The following DPYD variants were observed in gnomAD, a reference collection of about 807,000 sequenced individuals.
The protein encoded by DPYD is dihydropyrimidine dehydrogenase [NADP(+)].
In DPYD, 109 loss-of-function variants were observed where a neutral mutation model predicts 116.2. The ratio of observed to expected loss-of-function variants is 0.94; its 90% CI spans 0.80 to 1.10. The LOEUF (loss-of-function observed/expected upper bound fraction) is 1.10. DPYD is among the 50% of genes least tolerant of loss of function. The probability of loss-of-function intolerance (pLI) is 0.00; values close to 1 mark genes in which losing one functional copy is unlikely to be tolerated. For synonymous variants in DPYD, 440 were observed against 432.0 expected, an observed-to-expected ratio of 1.02 and a Z score of -0.23; for missense variants, 1,302 against 1,254.5, an observed-to-expected ratio of 1.04 and a Z score of -0.57.
intron 19 of DPYD, among the ~76,000 whole-genome samples, chr1:97,222,896 T>C (rs1315590573): frequency 6.6e-6 from 1 of 152,108 alleles, no homozygotes; most frequent in Admixed American, 6.6e-5. Flanking sequence ...ACTACATTTG[T>C]TACCCTCTGG....
intron 11 of DPYD, among the ~76,000 whole-genome samples, chr1:97,564,982 A>G (rs1652415172): frequency 6.6e-6 from 1 of 152,214 alleles, no homozygotes; most frequent in Middle Eastern, 3.4e-3. Context: ...TCTCCAAAAC[A>G]CTAAAATAGA....
At chr1:97,085,437 A>G (rs931481042) in intron 21 of DPYD, among the ~76,000 whole-genome samples, 2 of 152,244 alleles carry the variant, frequency 1.3e-5, no homozygotes, top group Non-Finnish European at 2.9e-5. Flanking sequence ...TGTGAAGCCA[A>G]TGTGGAGCCT....
chr1:97,425,187 C>A (rs957213895), intron 14 of DPYD, among the ~76,000 whole-genome samples: 14 of 151,978 alleles, frequency 9.2e-5, no homozygotes, highest in African/African-American at 3.4e-4. Context: ...ATAAGAAAAT[C>A]AGCAGTATAA....
At chr1:97,709,516 T>C (rs1293984988) in intron 5 of DPYD, among the ~76,000 whole-genome samples, 1 of 151,884 alleles carries the variant, frequency 6.6e-6, no homozygotes, top group Non-Finnish European at 1.5e-5. Flanking sequence ...TCATCTTTCA[T>C]TCATCTAGAA....
In DPYD at chr1:97,442,092, G is replaced by A. The variant is rs148517519; in HGVS notation, c.1905+7967C>T. ...TCTCTTTGTTTACTCACATGCATGA[G>A]CTGATCTGTACTCAGTGCTGCATAC... On this transcript the variant is annotated intron_variant, in intron 14 of 22. Coordinates refer to ENST00000370192, the MANE Select transcript of DPYD (RefSeq NM_000110.4). Among the ~76,000 whole-genome samples, 648 of 152,114 alleles carry A rather than the reference G, an allele frequency of 4.3e-3. 7 individuals are homozygous for A. Among genetic ancestry groups the A allele is most frequent in the African/African-American group, 0.015 (631 of 41,486 alleles).
chr1:97,564,884 T>C (rs886141038), intron 11 of DPYD, among the ~76,000 whole-genome samples: 3 of 152,160 alleles, frequency 2.0e-5, no homozygotes, highest in African/African-American at 7.2e-5. Context: ...ACTGACACTG[T>C]AGTTCCACAC....
At chr1:97,598,274 G>A (rs1175974828) in intron 8 of DPYD, among the ~76,000 whole-genome samples, 2 of 152,094 alleles carry the variant, frequency 1.3e-5, no homozygotes, top group Non-Finnish European at 2.9e-5. Context: ...TCTATCAAAG[G>A]AAGACTTCTC....
chr1:97,498,070 A>G (rs947889825), intron 13 of DPYD, among the ~76,000 whole-genome samples: 1 of 151,836 alleles, frequency 6.6e-6, no homozygotes, highest in Non-Finnish European at 1.5e-5. Flanking sequence ...CATTAAAGTC[A>G]TATATTATAT....
At chr1:97,370,410 C>T (rs1671256804) in intron 16 of DPYD, among the ~76,000 whole-genome samples, 1 of 151,942 alleles carries the variant, frequency 6.6e-6, no homozygotes, top group Non-Finnish European at 1.5e-5. Flanking sequence ...CACACCGGGG[C>T]CTGTTGGGGG....
At chr1:97,597,073 G>C (rs1256204577) in intron 8 of DPYD, among the ~76,000 whole-genome samples, 1 of 152,132 alleles carries the variant, frequency 6.6e-6, no homozygotes, top group African/African-American at 2.4e-5. Flanking sequence ...TGGAGGGATG[G>C]GGTTGGTAAA....
chr1:97,573,524 G>A (rs890462471), intron 11 of DPYD, among the ~76,000 whole-genome samples: 9 of 151,966 alleles, frequency 5.9e-5, no homozygotes, highest in African/African-American at 1.7e-4. Context: ...TATGTGTTTT[G>A]GTTATAAGCT....
Position 97,323,485 on chromosome 1 carries a change from G to A in DPYD, c.2059-17188C>T, listed in dbSNP as rs1223346005. ...TATACATATATGTGTATATATACAC[G>A]TATATATACATATCATATGTACATA... is the stretch of plus-strand genomic sequence containing the variant. On this transcript the variant is annotated intron_variant, in intron 16 of 22. Coordinates refer to ENST00000370192, the MANE Select transcript of DPYD (RefSeq NM_000110.4). 4.4e-5 allele frequency among the ~76,000 whole-genome samples: 5 copies of A among 113,796 alleles called. No homozygotes were observed. In the East Asian group the frequency reaches 8.1e-4, roughly 18 times the overall value. 74.7% of individuals were successfully genotyped at this position (113,796 alleles called of 152,430 possible). A position where few individuals can be genotyped will look rare whatever the true frequency, so the allele number is the denominator to read the frequency against.
At chr1:97,528,367 G>T (rs1029770640) in intron 12 of DPYD, among the ~76,000 whole-genome samples, 2 of 152,068 alleles carry the variant, frequency 1.3e-5, no homozygotes, top group Admixed American at 1.3e-4. Flanking sequence ...TTCTTTAAAA[G>T]ACTGTGTTCA....
chr1:97,755,610 T>G (rs1193080324), intron 3 of DPYD, among the ~76,000 whole-genome samples: 2 of 152,132 alleles, frequency 1.3e-5, no homozygotes, highest in Non-Finnish European at 2.9e-5. Flanking sequence ...TCAACTGATC[T>G]CTCTTCTTTT....
At chr1:97,247,741 A>T (rs1414555265) in intron 18 of DPYD, among the ~76,000 whole-genome samples, 1 of 152,202 alleles carries the variant, frequency 6.6e-6, no homozygotes, top group Non-Finnish European at 1.5e-5. Flanking sequence ...CATACAATAA[A>T]CTCAACAGTT....
At chr1:97,212,966 T>C (rs1208770623) in intron 19 of DPYD, among the ~76,000 whole-genome samples, 1 of 152,126 alleles carries the variant, frequency 6.6e-6, no homozygotes, top group Admixed American at 6.6e-5. Flanking sequence ...CAAACATTCA[T>C]TTCTCACAGT....
At chr1:97,675,523 T>A (rs1660095904) in intron 8 of DPYD, among the ~76,000 whole-genome samples, 2 of 152,170 alleles carry the variant, frequency 1.3e-5, no homozygotes, top group South Asian at 4.1e-4. Flanking sequence ...GAGAAAACTC[T>A]AAAAATGAGA....
At chr1:97,201,573 T>C (rs1036009160) in intron 19 of DPYD, among the ~76,000 whole-genome samples, 1 of 152,140 alleles carries the variant, frequency 6.6e-6, no homozygotes, top group Admixed American at 6.6e-5. Flanking sequence ...TATAAAAATA[T>C]AGGTTAAAAG....
chr1:97,234,455 C>A (rs554891588), intron 19 of DPYD, among the ~76,000 whole-genome samples: 1 of 152,188 alleles, frequency 6.6e-6, no homozygotes, highest in African/African-American at 2.4e-5. Context: ...TGCCAGGAAT[C>A]TCAGGATCAA....
Sources: allele counts gnomAD v4.1 joint callset (sites outside exome capture counted in the v4.1 genomes callset), GRCh38; gene constraint gnomAD v4.1.1; transcripts MANE v1.5; gene names NCBI Gene and HGNC (gene_info 2026-07-23, HGNC 2026-07-21).